The following PKNOX2 variants were observed in gnomAD, a reference collection of about 807,000 sequenced individuals.
PKNOX2 encodes the protein homeobox protein PKNOX2.
In PKNOX2, 14 loss-of-function variants were observed where a neutral mutation model predicts 53.1. The ratio of observed to expected loss-of-function variants is 0.26; its 90% CI spans 0.17 to 0.41. The LOEUF (loss-of-function observed/expected upper bound fraction) is 0.41, where lower values mean the gene tolerates loss of function less well. Among genes scored for constraint, PKNOX2 ranks in the 10% least tolerant of loss-of-function variants. The pLI, the probability that PKNOX2 is intolerant of heterozygous loss-of-function variation, is 1.00. For synonymous variants in PKNOX2, 257 were observed against 242.8 expected, an observed-to-expected ratio of 1.06 and a Z score of -0.54; for missense variants, 496 against 602.8, an observed-to-expected ratio of 0.82 and a Z score of 1.85.
chr11:125,220,627 A>G (rs935727418), intron 1 of PKNOX2, among the ~76,000 whole-genome samples: 3 of 152,194 alleles, frequency 2.0e-5, no homozygotes, highest in African/African-American at 2.4e-5. Context: ...GCCCTGGGGA[A>G]TCATTTCACC....
chr11:125,210,800 G>A (rs867476589), intron 1 of PKNOX2, among the ~76,000 whole-genome samples: 1 of 152,082 alleles, frequency 6.6e-6, no homozygotes, highest in Non-Finnish European at 1.5e-5. Flanking sequence ...TGGGCAGAGT[G>A]TGAATTTTCT....
At chr11:125,341,810 G>A (rs1430479074) in intron 3 of PKNOX2, among the ~76,000 whole-genome samples, 1 of 152,266 alleles carries the variant, frequency 6.6e-6, no homozygotes, top group Non-Finnish European at 1.5e-5. Flanking sequence ...ATCTGCTGGG[G>A]TGCGAGTCTG....
chr11:125,184,957 C>G (rs1381985598), intron 1 of PKNOX2, among the ~76,000 whole-genome samples: 1 of 152,194 alleles, frequency 6.6e-6, no homozygotes, highest in East Asian at 1.9e-4. Context: ...CTGCTCAACC[C>G]TCAGAGGACA....
chr11:125,416,154 T>C (rs1955862540), intron 10 of PKNOX2, among the ~76,000 whole-genome samples: 2 of 150,996 alleles, frequency 1.3e-5, no homozygotes, highest in Non-Finnish European at 2.9e-5. Context: ...ATACAAAAAA[T>C]TAGCCGGGCG....
chr11:125,411,984 A>T (rs577751316), intron 10 of PKNOX2, 119 bp downstream of exon 10: 1 of 1,483,478 alleles, frequency 6.7e-7, no homozygotes, highest in African/African-American at 1.4e-5. Context: ...GGCCTCGGGG[A>T]GAGCTCTCTG....
chr11:125,210,415 G>A (rs576814653), intron 1 of PKNOX2, among the ~76,000 whole-genome samples: 4 of 152,276 alleles, frequency 2.6e-5, no homozygotes, highest in African/African-American at 7.2e-5. Context: ...GGAAGGCAAT[G>A]ATGCCTTGAA....
At chr11:125,291,251 G>C (rs1335972617) in intron 2 of PKNOX2, among the ~76,000 whole-genome samples, 1 of 152,184 alleles carries the variant, frequency 6.6e-6, no homozygotes, top group Non-Finnish European at 1.5e-5. Flanking sequence ...CCATGCTGCA[G>C]GTATACAACG....
intron 10 of PKNOX2, 34 bp downstream of exon 10, chr11:125,411,899 G>A (rs7130081): frequency 0.085 from 137,857 of 1,612,824 alleles, 6,506 homozygotes; most frequent in Middle Eastern, 0.1. Context: ...GTGGAGTCCC[G>A]GCATGGGGTA....
In PKNOX2 at chr11:125,398,190, G is replaced by A. The variant is rs1250155046; in HGVS notation, c.588+128G>A. 10 of 899,158 alleles carry A rather than the reference G, an allele frequency of 1.1e-5. No individual in the cohort carries two copies. The East Asian group carries it at 2.2e-4, about 19-fold the overall frequency. 55.7% of individuals were successfully genotyped at this position (899,158 alleles called of 1,614,324 possible). ...CCCACTGGGTTCCTTTGCCATGAGG[G>A]CCCTCCTCTGATGCACTCTTCTTCA... On this transcript the variant is annotated intron_variant, in intron 7 of 12. Transcript: ENST00000298282.
chr11:125,360,354 C>G (rs890912053), intron 4 of PKNOX2, among the ~76,000 whole-genome samples: 4 of 152,092 alleles, frequency 2.6e-5, no homozygotes, highest in African/African-American at 7.2e-5. Flanking sequence ...GAGGAGAAAT[C>G]TAGCAAAAGG....
At chr11:125,210,505 C>T (rs1486551161) in intron 1 of PKNOX2, among the ~76,000 whole-genome samples, 1 of 152,150 alleles carries the variant, frequency 6.6e-6, no homozygotes, top group Non-Finnish European at 1.5e-5. Flanking sequence ...GGGTGCAGCA[C>T]AGCGAGGCCC....
intron 2 of PKNOX2, among the ~76,000 whole-genome samples, chr11:125,322,881 C>T (rs1393452159): frequency 6.6e-6 from 1 of 152,222 alleles, no homozygotes; most frequent in African/African-American, 2.4e-5. Context: ...CTACCAACCT[C>T]ACAAAGTTAC....
chr11:125,349,837 T>A (rs979026349), intron 3 of PKNOX2, among the ~76,000 whole-genome samples: 20 of 138,124 alleles, frequency 1.4e-4, no homozygotes, highest in African/African-American at 4.6e-4. Context: ...ACCAAAAGAA[T>A]CACACACACA....
At chr11:125,392,985 T>C (rs61917821) in intron 6 of PKNOX2, among the ~76,000 whole-genome samples, 11,883 of 151,700 alleles carry the variant, frequency 0.078, 701 homozygotes, top group African/African-American at 0.16. Context: ...AGTGAAACCC[T>C]GTCTCTACTA....
intron 2 of PKNOX2, among the ~76,000 whole-genome samples, chr11:125,289,265 T>G (rs1947143748): frequency 6.6e-6 from 1 of 152,182 alleles, no homozygotes; most frequent in Non-Finnish European, 1.5e-5. Flanking sequence ...GAGCCTCCCC[T>G]CATGACTGAC....
chr11:125,169,777 G>GC (rs776064421), intron 1 of PKNOX2, among the ~76,000 whole-genome samples: 8 of 152,208 alleles, frequency 5.3e-5, no homozygotes, highest in Non-Finnish European at 8.8e-5. Flanking sequence ...TGGCTCCAGG[G>GC]CCTTCCCCAC....
At chr11:125,319,578 G>A (rs1401996757) in intron 2 of PKNOX2, among the ~76,000 whole-genome samples, 2 of 152,184 alleles carry the variant, frequency 1.3e-5, no homozygotes, top group Non-Finnish European at 2.9e-5. Flanking sequence ...AACAAGCCTG[G>A]ACTCTTGTCC....
chr11:125,431,648 G>A lies in PKNOX2; in HGVS notation c.*256G>A. On this transcript the variant is annotated 3_prime_UTR_variant, in exon 13 of 13. Coordinates refer to ENST00000298282, the MANE Select transcript of PKNOX2 (RefSeq NM_001382323.2). Reference sequence around the variant, plus strand: ...GCGGGGCCAGTCGAGCAGCCTGTGTGGAAAGACAGGAGTGAGATCTGGACT... The same window carrying A: ...GCGGGGCCAGTCGAGCAGCCTGTGTAGAAAGACAGGAGTGAGATCTGGACT... 2.0e-6 allele frequency: 1 copy of A among 510,386 alleles called. No individual in the cohort carries two copies. Among genetic ancestry groups the A allele is most frequent in the South Asian group, 2.2e-5 (1 of 44,876 alleles). The allele number at this position is 510,386 out of a possible 1,614,324, so 31.6% of individuals were successfully genotyped here.
intron 2 of PKNOX2, among the ~76,000 whole-genome samples, chr11:125,320,572 C>A (rs377751494): frequency 1.8e-4 from 28 of 152,298 alleles, no homozygotes; most frequent in East Asian, 1.5e-3. Flanking sequence ...AAGCCTGCAA[C>A]CTCCATTGGC....
Sources: allele counts gnomAD v4.1 joint callset (sites outside exome capture counted in the v4.1 genomes callset), GRCh38; gene constraint gnomAD v4.1.1; transcripts MANE v1.5; gene names NCBI Gene and HGNC (gene_info 2026-07-23, HGNC 2026-07-21).